The following COL28A1 variants were observed in gnomAD, a reference collection of about 807,000 sequenced individuals.
The protein encoded by COL28A1 is collagen alpha-1(XXVIII) chain.
In COL28A1, 161 loss-of-function variants were observed where a neutral mutation model predicts 150.2. The observed-to-expected ratio is 1.07, with a 90% CI of 0.94 to 1.22. The LOEUF is 1.22. Ranked by LOEUF, COL28A1 falls within the 50% of genes most tolerant of loss-of-function variation. The pLI is 0.00. For missense variants in COL28A1, 1,617 were observed against 1,388.3 expected (o/e 1.16, Z -2.62); for synonymous variants, 552 against 469.7 (o/e 1.18, Z -2.26).
chr7:7,414,919 T>C (rs1783983051), intron 27 of COL28A1, among the ~76,000 whole-genome samples: 1 of 152,256 alleles, frequency 6.6e-6, no homozygotes, highest in African/African-American at 2.4e-5. Context: ...AGTTTAATTA[T>C]TTTATAGCCT....
intron 27 of COL28A1, among the ~76,000 whole-genome samples, chr7:7,410,120 G>A (rs1783698902): frequency 6.6e-6 from 1 of 152,158 alleles, no homozygotes; most frequent in African/African-American, 2.4e-5. Flanking sequence ...GAACTAGTAA[G>A]TGAAAAACAC....
At chr7:7,362,492 A>AT (rs1341307673) in intron 33 of COL28A1, among the ~76,000 whole-genome samples, 5 of 151,822 alleles carry the variant, frequency 3.3e-5, no homozygotes, top group Admixed American at 6.6e-5. Context: ...ATTGCTTTTG[A>AT]TTTTTTTTGT....
At chr7:7,536,761 T>C (rs1325152963), upstream of COL28A1, among the ~76,000 whole-genome samples, 2 of 152,236 alleles carry the variant, frequency 1.3e-5, no homozygotes, top group African/African-American at 4.8e-5. Flanking sequence ...TTAATGTGTA[T>C]GAATTTCCTT....
At chr7:7,533,881 A>G (rs894911634) in intron 1 of COL28A1, among the ~76,000 whole-genome samples, 4 of 152,182 alleles carry the variant, frequency 2.6e-5, no homozygotes, top group African/African-American at 9.6e-5. Flanking sequence ...TGGCTTAAAA[A>G]TGCTTGCCTG....
At chr7:7,492,224 G>T (rs1779951860) in intron 11 of COL28A1, among the ~76,000 whole-genome samples, 2 of 152,074 alleles carry the variant, frequency 1.3e-5, no homozygotes, top group East Asian at 3.9e-4. Context: ...ATTTTGGAAG[G>T]GACACCTAAT....
intron 11 of COL28A1, among the ~76,000 whole-genome samples, chr7:7,496,574 A>T (rs1397693695): frequency 6.6e-6 from 1 of 152,190 alleles, no homozygotes; most frequent in Non-Finnish European, 1.5e-5. Flanking sequence ...TGAAAGAGTA[A>T]TGAAACCACA....
Position 7,492,275 on chromosome 7 carries a change from T to C in COL28A1, c.1027-1629A>G, listed in dbSNP as rs188101235. 7.7e-3 allele frequency among the ~76,000 whole-genome samples: 1,178 copies of C among 152,102 alleles called. 6 individuals carry two copies. Among genetic ancestry groups the C allele is most frequent in the South Asian group, 0.025 (119 of 4,818 alleles). ...CTGTGGATATAGTAAAGACATTGCT[T>C]TACTATAAGAAGTCTGTAACCGATG... On this transcript the variant is annotated intron_variant, in intron 11 of 34. Coordinates refer to ENST00000399429, the MANE Select transcript of COL28A1 (RefSeq NM_001037763.3).
intron 18 of COL28A1, among the ~76,000 whole-genome samples, 195 bp downstream of exon 18, chr7:7,452,124 C>T (rs1287077143): frequency 6.6e-6 from 1 of 152,076 alleles, no homozygotes; most frequent in East Asian, 1.9e-4. Flanking sequence ...CAGCACTGTC[C>T]AAGAGGAAAA....
At chr7:7,464,248 G>T (rs115069442) in intron 15 of COL28A1, among the ~76,000 whole-genome samples, 5,925 of 152,206 alleles carry the variant, frequency 0.039, 423 homozygotes, top group African/African-American at 0.14. Context: ...GCACTAGACA[G>T]GTCATCGAGA....
At chr7:7,363,563 G>A (rs1424357977) in intron 33 of COL28A1, among the ~76,000 whole-genome samples, 1 of 151,824 alleles carries the variant, frequency 6.6e-6, no homozygotes, top group Non-Finnish European at 1.5e-5. Flanking sequence ...TAGAAAATGT[G>A]GATATCAAAA....
chr7:7,360,054 G>A (rs1238000111), intron 34 of COL28A1, among the ~76,000 whole-genome samples: 2 of 152,082 alleles, frequency 1.3e-5, no homozygotes, highest in Non-Finnish European at 2.9e-5. Context: ...CATGTGTGAA[G>A]GGCACATGTA....
intron 10 of COL28A1, among the ~76,000 whole-genome samples, chr7:7,506,428 T>C (rs1780813688): frequency 6.6e-6 from 1 of 152,226 alleles, no homozygotes; most frequent in Non-Finnish European, 1.5e-5. Context: ...GAGCTTCCAA[T>C]GAACCTGGGA....
chr7:7,515,549 A>G (rs945204357), intron 8 of COL28A1, among the ~76,000 whole-genome samples: 9 of 152,216 alleles, frequency 5.9e-5, no homozygotes, highest in African/African-American at 1.9e-4. Context: ...TGCATGGCTT[A>G]TAAATTGGGG....
At chr7:7,407,158 T>C (rs1246913302) in intron 27 of COL28A1, among the ~76,000 whole-genome samples, 2 of 151,568 alleles carry the variant, frequency 1.3e-5, no homozygotes, top group Non-Finnish European at 2.9e-5. Context: ...ATTGAAAAAA[T>C]ATATATAAAA....
intron 30 of COL28A1, among the ~76,000 whole-genome samples, chr7:7,377,208 G>T (rs1281376439): frequency 6.6e-6 from 1 of 152,054 alleles, no homozygotes; most frequent in Non-Finnish European, 1.5e-5. Flanking sequence ...GGCATAATCA[G>T]GTTTAAAATG....
At chr7:7,431,699 T>C (rs545229420) in intron 25 of COL28A1, 1 of 447,470 alleles carries the variant, frequency 2.2e-6, no homozygotes, top group East Asian at 7.1e-5. Flanking sequence ...TATGCTCTGA[T>C]TTACGGTTTT....
At position 7,373,581 on chromosome 7, in the gene COL28A1, G is replaced by C. The variant is rs1239799558; in HGVS notation, c.2360-35C>G. On this transcript the variant is annotated intron_variant, in intron 31 of 34. Coordinates refer to ENST00000399429, the MANE Select transcript of COL28A1 (RefSeq NM_001037763.3). This position sits in a 1 kb window ranked among gnomAD's most constrained non-coding sequence, Gnocchi z 4.1. ...GAATGTTGAGAGAGAAAAATTGTGG[G>C]AATGATTGACATCAGATTGTTGAGG... is the stretch of plus-strand genomic sequence containing the variant. 6.4e-7 allele frequency: 1 copy of C among 1,566,110 alleles called. No homozygotes were observed. Among genetic ancestry groups the C allele is most frequent in the Non-Finnish European group, 8.7e-7 (1 of 1,151,218 alleles).
At chr7:7,441,354 T>C (rs1785774177) in intron 20 of COL28A1, among the ~76,000 whole-genome samples, 1 of 152,114 alleles carries the variant, frequency 6.6e-6, no homozygotes, top group Admixed American at 6.6e-5. Context: ...GGCAGGAAGA[T>C]GCTTGAGCAT....
chr7:7,458,445 A>C (rs1290041233), intron 15 of COL28A1, among the ~76,000 whole-genome samples: 2 of 151,956 alleles, frequency 1.3e-5, no homozygotes, highest in African/African-American at 4.8e-5. Flanking sequence ...AAAACAAACA[A>C]ACAAAAAAAA....
Sources: allele counts gnomAD v4.1 joint callset (sites outside exome capture counted in the v4.1 genomes callset), GRCh38; gene constraint gnomAD v4.1.1; non-coding constraint Gnocchi (gnomAD v3.1); transcripts MANE v1.5; gene names NCBI Gene and HGNC (gene_info 2026-07-23, HGNC 2026-07-21).